Variants in MARCHF7 observed in about 807,000 individuals in gnomAD.
MARCHF7 encodes E3 ubiquitin-protein ligase MARCHF7.
MARCHF7 carries 20 observed loss-of-function variants against 76.5 expected under a neutral mutation model. The ratio of observed to expected loss-of-function variants is 0.26; its 90% confidence interval spans 0.18 to 0.38. MARCHF7 has a LOEUF of 0.38. MARCHF7 is among the 10% of genes least tolerant of loss of function. The pLI is 1.00. For synonymous variants in MARCHF7, 295 were observed against 293.0 expected (o/e 1.01, Z -0.07); for missense variants, 797 against 812.9 (o/e 0.98, Z 0.24).
chr2:159,737,888 C>A (rs543193020), intron 4 of MARCHF7, among the ~76,000 whole-genome samples: 37 of 152,334 alleles, frequency 2.4e-4, no homozygotes, highest in Admixed American at 1.1e-3. Flanking sequence ...GTACAGCTGT[C>A]AGCACTTGGA....
At chr2:159,734,817 G>GA (rs760907513) in intron 4 of MARCHF7, among the ~76,000 whole-genome samples, 4,839 of 55,180 alleles carry the variant, frequency 0.088, 159 homozygotes, top group Middle Eastern at 0.18. Context: ...AAAATAAAAT[G>GA]AAAAAAAAAA....
In MARCHF7 at chr2:159,764,255, T is replaced by TGTGTGTGTGTGTGCGCGC. The variant is rs10592175; in HGVS notation, c.2008-370_2008-369insTGTGTGTGTGTGCGCGCG. 1.6e-3 allele frequency among the ~76,000 whole-genome samples: 216 copies of TGTGTGTGTGTGTGCGCGC among 131,440 alleles called. 1 individual carries two copies. Among genetic ancestry groups the TGTGTGTGTGTGTGCGCGC allele is most frequent in the East Asian group, 6.2e-3 (27 of 4,384 alleles). 86.2% of individuals were successfully genotyped at this position (131,440 alleles called of 152,430 possible). Reference sequence around the variant, plus strand: ...GTGTGTGTGTGTGTGTGTGTGTGTGTGCGCGCGCCCACTGAAACTGAATTT... The same window carrying TGTGTGTGTGTGTGCGCGC: ...GTGTGTGTGTGTGTGTGTGTGTGTGTGTGTGTGTGTGTGCGCGCGCGCGCGCCCACTGAAACTGAATTT... On this transcript the variant is annotated intron_variant, in intron 10 of 11. Coordinates refer to ENST00000409175, the MANE Select transcript of MARCHF7 (RefSeq NM_001282805.2).
At position 159,731,067 on chromosome 2, in the gene MARCHF7, G is replaced by T. The variant is rs575540285; in HGVS notation, c.153+1892G>T. Among the ~76,000 whole-genome samples the T allele has an allele frequency of 2.6e-5, 4 of 151,964 alleles. 1 individual carries two copies. The highest frequency in any genetic ancestry group is 9.6e-5 in the African/African-American group (4 of 41,458). On this transcript the variant is annotated intron_variant, in intron 4 of 11. Coordinates refer to ENST00000409175, the MANE Select transcript of MARCHF7 (RefSeq NM_001282805.2). ...GCCACCATGCCTAGCTAATTTTTGT[G>T]TTTTTTTGAAGAGATGGGGTTTCGC...
chr2:159,733,948 C>A, intron 4 of MARCHF7: 3 of 1,259,982 alleles, frequency 2.4e-6, no homozygotes, highest in East Asian at 2.9e-5. Context: ...TCCTAAATAT[C>A]TTTCAGTTCT....
At chr2:159,726,870 CTGTT>C (rs1223019927) in intron 3 of MARCHF7, among the ~76,000 whole-genome samples, 3 of 152,152 alleles carry the variant, frequency 2.0e-5, no homozygotes, top group African/African-American at 7.2e-5. Flanking sequence ...TATCTTTTCT[CTGTT>C]TAGTTATATA....
At position 159,768,040 on chromosome 2, in the gene MARCHF7, T is replaced by C. The variant is rs1035550596; in HGVS notation, c.*698T>C. On this transcript the variant is annotated 3_prime_UTR_variant, in exon 12 of 12. Coordinates refer to ENST00000409175, the MANE Select transcript of MARCHF7 (RefSeq NM_001282805.2). ...AGGCTATAGTATGTAGATATTCCTTTTAGGAATATTACAGCTGTAAATTAT... is the reference window on the plus strand; with the variant it reads ...AGGCTATAGTATGTAGATATTCCTTCTAGGAATATTACAGCTGTAAATTAT... 4 of 152,572 alleles carry C rather than the reference T, an allele frequency of 2.6e-5. No homozygotes were observed. The highest frequency in any genetic ancestry group is 5.9e-5 in the Non-Finnish European group (4 of 67,978). 9.5% of individuals were successfully genotyped at this position (152,572 alleles called of 1,614,324 possible).
At position 159,747,960 on chromosome 2, in the gene MARCHF7, T is replaced by C. The variant is rs1705107715; in HGVS notation, c.670T>C (p.Ser224Pro). 1 of 1,613,918 alleles carries C rather than the reference T, an allele frequency of 6.2e-7. No individual in the cohort carries two copies. Among genetic ancestry groups the C allele is most frequent in the Non-Finnish European group, 8.5e-7 (1 of 1,179,982 alleles). ...SSRDSRNSLRSNFSSRESESS... is the reference protein window; with the variant it reads ...SSRDSRNSLRPNFSSRESESS... Reference sequence around the variant, plus strand: ...TAGGGACTCCAGAAATTCTTTAAGATCAAATTTTTCTTCAAGAGAATCAGA... The same window carrying C: ...TAGGGACTCCAGAAATTCTTTAAGACCAAATTTTTCTTCAAGAGAATCAGA... Residue 224 changes from serine to proline, a missense_variant, in exon 7 of 12, where the codon TCA becomes CCA. Ser to Pro is a moderately conservative substitution (Grantham distance 74, BLOSUM62 -1). Around this residue, in one of 3 missense-constraint regions of MARCHF7, gnomAD observed 643 missense variants for 631.5 expected, o/e 1.02. Transcript: ENST00000409175.
rs72994695 is a variant in MARCHF7, at chr2:159,720,764, A to G, written c.-15+4998A>G. Among the ~76,000 whole-genome samples the G allele has an allele frequency of 3.6e-3, 551 of 152,282 alleles. 4 individuals carry two copies. Among genetic ancestry groups the G allele is most frequent in the African/African-American group, 0.012 (518 of 41,558 alleles). The stretch of plus-strand genomic sequence containing the variant: ...ACTAAATTGGGACCACCTTAAACCA[A>G]ATTCAGGATTTGAACTTCCATTTAC... On this transcript the variant is annotated intron_variant, in intron 3 of 11. Transcript: ENST00000409175.
intron 4 of MARCHF7, chr2:159,733,658 G>T: frequency 2.0e-6 from 2 of 985,282 alleles, no homozygotes; most frequent in Non-Finnish European, 2.4e-6. Context: ...GAGAAAAGAG[G>T]GTCAGGGGGT....
In MARCHF7 at chr2:159,769,769, T is replaced by TATC. The variant is rs1428490531; in HGVS notation, c.*2429_*2431dup. On this transcript the variant is annotated 3_prime_UTR_variant, in exon 12 of 12. Coordinates refer to ENST00000409175, the MANE Select transcript of MARCHF7 (RefSeq NM_001282805.2). The stretch of plus-strand genomic sequence containing the variant: ...GGAAGAGCTGCCATTAGGTAGAAAG[T>TATC]ATCAAAATGTACAAAAGAAAGTTGT... 6.6e-6 allele frequency: 1 copy of TATC among 152,136 alleles called. No individual in the cohort carries two copies. The highest frequency in any genetic ancestry group is 1.5e-5 in the Non-Finnish European group (1 of 68,018). The allele number at this position is 152,136 out of a possible 1,614,324, so 9.4% of individuals were successfully genotyped here. A position where few individuals can be genotyped will look rare whatever the true frequency, so the allele number is the denominator to read the frequency against.
intron 4 of MARCHF7, among the ~76,000 whole-genome samples, chr2:159,735,637 A>C (rs1409968700): frequency 6.6e-6 from 1 of 152,210 alleles, no homozygotes; most frequent in Non-Finnish European, 1.5e-5. Flanking sequence ...GTGTTCATCT[A>C]TATTGTAGCA....
chr2:159,755,740 T>C (rs967327470), intron 8 of MARCHF7, among the ~76,000 whole-genome samples: 2 of 152,182 alleles, frequency 1.3e-5, no homozygotes, highest in African/African-American at 4.8e-5. Flanking sequence ...AATTGTGAAA[T>C]TGAAGATCTG....
chr2:159,742,936 C>CAA (rs67868976), intron 4 of MARCHF7, 125 bp from the exon 5 acceptor site: 83 of 764,942 alleles, frequency 1.1e-4, no homozygotes, highest in East Asian at 1.8e-4. Flanking sequence ...GACTCAGTCT[C>CAA]AAAAAAAAAA....
chr2:159,756,592 CAAG>C (rs1706328141), intron 8 of MARCHF7, among the ~76,000 whole-genome samples: 1 of 142,916 alleles, frequency 7.0e-6, no homozygotes, highest in South Asian at 2.3e-4. Context: ...GAGGCTGAGG[CAAG>C]AGAATCGCTT....
intron 8 of MARCHF7, among the ~76,000 whole-genome samples, chr2:159,753,594 T>G (rs1185265086): frequency 6.6e-6 from 1 of 151,866 alleles, no homozygotes; most frequent in Non-Finnish European, 1.5e-5. Context: ...CAGAAGTTAG[T>G]TCGTGCAAGA....
At chr2:159,750,379 G>A (rs908871931) in intron 7 of MARCHF7, among the ~76,000 whole-genome samples, 5 of 152,178 alleles carry the variant, frequency 3.3e-5, no homozygotes, top group Non-Finnish European at 7.3e-5. Context: ...ACAAAATTTA[G>A]CTGGGTGTGG....
chr2:159,717,334 T>C (rs1320210072), intron 3 of MARCHF7, among the ~76,000 whole-genome samples: 2 of 152,212 alleles, frequency 1.3e-5, no homozygotes, highest in East Asian at 1.9e-4. Flanking sequence ...CCATAGGTTC[T>C]TTAGACCACT....
rs1475123204 is a variant in MARCHF7, at chr2:159,747,816, A to G, written c.526A>G (p.Arg176Gly). Reference sequence around the variant, plus strand: ...CCTTTCAAAAATAGATGTTCAAGACAGAGTTCCTTCATATTCACAAGGAGC... The same window carrying G: ...CCTTTCAAAAATAGATGTTCAAGACGGAGTTCCTTCATATTCACAAGGAGC... ...DFTTSSYVQDRVPSYSQGARP... is the reference protein window; with the variant it reads ...DFTTSSYVQDGVPSYSQGARP... The change falls in exon 7 of 12, where the codon AGA (arginine) becomes GGA (glycine). Residue 176 changes from arginine (R) to glycine (G), a missense_variant. Arg to Gly is a moderately radical substitution (Grantham distance 125). Coordinates refer to ENST00000409175, the MANE Select transcript of MARCHF7 (RefSeq NM_001282805.2). The G allele has an allele frequency of 1.9e-6, 3 of 1,577,414 alleles. No homozygotes were observed. The highest frequency in any genetic ancestry group is 2.6e-6 in the Non-Finnish European group (3 of 1,166,750).
At chr2:159,738,366 G>A (rs988814344) in intron 4 of MARCHF7, among the ~76,000 whole-genome samples, 4 of 152,188 alleles carry the variant, frequency 2.6e-5, no homozygotes, top group Non-Finnish European at 5.9e-5. Context: ...ATGGTGAGTG[G>A]GGGGTAGGAA....
Sources: gnomAD v4.1 joint callset for allele counts (sites outside exome capture counted in the v4.1 genomes callset) on GRCh38, gnomAD v4.1.1 for gene constraint, gnomAD v4.1.1 regional missense constraint, MANE v1.5 for transcripts, NCBI Gene and HGNC (gene_info 2026-07-23, HGNC 2026-07-21) for gene names.